ARK2C: variants seen among roughly 807,000 people sequenced by gnomAD.
ARK2C encodes the protein E3 ubiquitin-protein ligase ARK2C.
the ARK2C span, chr18:46,450,928 C>T: frequency 8.9e-5 from 60 of 677,182 alleles, no homozygotes; most frequent in Middle Eastern, 4.0e-4. Context: ...TGGTTAGATG[C>T]TCTAAAGCTG....
At chr18:46,334,357 G>T in the ARK2C span, 9 of 1,578,950 alleles carry the variant, frequency 5.7e-6, no homozygotes, top group Middle Eastern at 1.8e-4. The surrounding 1 kb of genome is among the most constrained non-coding windows in gnomAD (Gnocchi z 4.4). Context: ...TCCTTTCGGG[G>T]TCTGCTTCGG....
the ARK2C span, among the ~76,000 whole-genome samples, chr18:46,343,039 C>T: frequency 6.6e-6 from 1 of 152,292 alleles, no homozygotes; most frequent in African/African-American, 2.4e-5. Context: ...CATAATATTC[C>T]ACTTGAATAG....
chr18:46,441,294 A>G, the ARK2C span, among the ~76,000 whole-genome samples: 2 of 152,094 alleles, frequency 1.3e-5, no homozygotes, highest in African/African-American at 2.4e-5. Flanking sequence ...GCCCAGACGC[A>G]GGCTGGTCTT....
the ARK2C span, among the ~76,000 whole-genome samples, chr18:46,380,937 C>A: frequency 6.6e-6 from 1 of 152,218 alleles, no homozygotes; most frequent in Non-Finnish European, 1.5e-5. Flanking sequence ...GCAAACCCAG[C>A]CGGGCTGGAG....
At chr18:46,381,200 GC>G in the ARK2C span, among the ~76,000 whole-genome samples, 1 of 152,236 alleles carries the variant, frequency 6.6e-6, no homozygotes, top group Non-Finnish European at 1.5e-5. Flanking sequence ...TTGGGATAAG[GC>G]CAGGCACTGC....
At chr18:46,416,806 G>A in the ARK2C span, among the ~76,000 whole-genome samples, 1 of 152,232 alleles carries the variant, frequency 6.6e-6, no homozygotes, top group African/African-American at 2.4e-5. Flanking sequence ...GTAGAGGCAG[G>A]AGACCAAGAG....
the ARK2C span, chr18:46,435,225 G>A: frequency 6.9e-7 from 1 of 1,449,374 alleles, no homozygotes; most frequent in Middle Eastern, 1.8e-4. Context: ...GTTTCTCAGA[G>A]CTCTTGAGAA....
At chr18:46,352,361 A>G in the ARK2C span, among the ~76,000 whole-genome samples, 2 of 152,220 alleles carry the variant, frequency 1.3e-5, no homozygotes, top group Non-Finnish European at 2.9e-5. Context: ...ATCCTGTCCC[A>G]AGCTTATTTC....
the ARK2C span, chr18:46,456,105 C>T: frequency 7.4e-7 from 1 of 1,352,942 alleles, no homozygotes; most frequent in African/African-American, 1.4e-5. Flanking sequence ...TTTTGATTCC[C>T]TCTCCCCTCT....
At chr18:46,461,602 G>A in the ARK2C span, 1 of 143,918 alleles carries the variant, frequency 6.9e-6, no homozygotes, top group Admixed American at 7.1e-5. Flanking sequence ...CTGGGAGCGT[G>A]CACCACTGCA....
the ARK2C span, among the ~76,000 whole-genome samples, chr18:46,441,861 C>CAAAA: frequency 2.8e-3 from 336 of 122,056 alleles, 1 homozygote; most frequent in African/African-American, 4.4e-3. Context: ...GACTCCATCT[C>CAAAA]AAAAAAAAAA....
the ARK2C span, among the ~76,000 whole-genome samples, chr18:46,422,128 G>A: frequency 6.6e-6 from 1 of 152,164 alleles, no homozygotes; most frequent in African/African-American, 2.4e-5. Flanking sequence ...AATGGCCTTT[G>A]AAGCTGGGTT....
At chr18:46,439,753 G>A in the ARK2C span, among the ~76,000 whole-genome samples, 1 of 152,118 alleles carries the variant, frequency 6.6e-6, no homozygotes, top group Admixed American at 6.5e-5. Flanking sequence ...AAAAAAATAA[G>A]AGAATAGTAT....
chr18:46,421,771 T>C, the ARK2C span, among the ~76,000 whole-genome samples: 1 of 152,166 alleles, frequency 6.6e-6, no homozygotes, highest in African/African-American at 2.4e-5. Context: ...CTCATACCCA[T>C]GGGCAAGTAG....
the ARK2C span, among the ~76,000 whole-genome samples, chr18:46,453,200 G>C: frequency 1.3e-5 from 2 of 152,342 alleles, no homozygotes; most frequent in South Asian, 2.1e-4. Flanking sequence ...ACCTTGGCTA[G>C]TGTGCTAATA....
the ARK2C span, among the ~76,000 whole-genome samples, chr18:46,384,948 C>T: frequency 6.6e-6 from 1 of 152,256 alleles, no homozygotes; most frequent in Non-Finnish European, 1.5e-5. Flanking sequence ...GGCACACACA[C>T]AGCTGGTTCA....
the ARK2C span, among the ~76,000 whole-genome samples, chr18:46,451,235 T>C: frequency 1.3e-5 from 2 of 152,146 alleles, no homozygotes; most frequent in East Asian, 1.9e-4. Context: ...GCAGAGGTTT[T>C]CAAACCTGAC....
the ARK2C span, among the ~76,000 whole-genome samples, chr18:46,384,004 C>T: frequency 1.3e-5 from 2 of 152,230 alleles, no homozygotes; most frequent in African/African-American, 4.8e-5. Context: ...AAAGGACACA[C>T]AGTCCTCTTT....
At chr18:46,459,232 G>C in the ARK2C span, 5 of 152,370 alleles carry the variant, frequency 3.3e-5, no homozygotes, top group Non-Finnish European at 7.3e-5. Flanking sequence ...CCAGGTTCCA[G>C]TCTGGGCTCT....
Sources: allele counts gnomAD v4.1 joint callset (sites outside exome capture counted in the v4.1 genomes callset), GRCh38; gene constraint gnomAD v4.1.1; non-coding constraint Gnocchi (gnomAD v3.1); transcripts MANE v1.5; gene names NCBI Gene and HGNC (gene_info 2026-07-23, HGNC 2026-07-21).